The following ACTR3 variants were observed in gnomAD, a reference collection of about 807,000 sequenced individuals.
ACTR3 encodes the protein actin related protein 3, also known as actin-related protein 3.
In ACTR3, 12 loss-of-function variants were observed where a neutral mutation model predicts 56.8. The ratio of observed to expected loss-of-function variants is 0.21; its 90% CI spans 0.14 to 0.34. The LOEUF is 0.34. Ranked by LOEUF, ACTR3 falls within the 10% of genes least tolerant of loss-of-function variation. The pLI, the probability that ACTR3 is intolerant of heterozygous loss-of-function variation, is 1.00. For missense variants in ACTR3, 282 were observed against 512.5 expected, an observed-to-expected ratio of 0.55 and a Z score of 4.34; for synonymous variants, 162 against 167.4, an observed-to-expected ratio of 0.97 and a Z score of 0.25.
intron 7 of ACTR3, 34 bp from the exon 8 acceptor site, chr2:113,942,152 C>CA (rs758714333): frequency 3.0e-5 from 45 of 1,519,382 alleles, no homozygotes; most frequent in Middle Eastern, 2.0e-4. Context: ...CTATAATAAG[C>CA]AAAAAAAGTT....
intron 1 of ACTR3, among the ~76,000 whole-genome samples, chr2:113,908,141 T>C (rs1047059939): frequency 2.0e-5 from 3 of 152,004 alleles, no homozygotes; most frequent in Admixed American, 2.0e-4. Context: ...ACAAAAATAT[T>C]TGAACTTTGT....
chr2:113,901,814 T>C (rs576794245), intron 1 of ACTR3, among the ~76,000 whole-genome samples: 1 of 152,352 alleles, frequency 6.6e-6, no homozygotes, highest in South Asian at 2.1e-4. Context: ...AGAATTGTAA[T>C]GGAACATTGG....
At chr2:113,922,961 T>C (rs1244013288) in intron 3 of ACTR3, among the ~76,000 whole-genome samples, 1 of 152,196 alleles carries the variant, frequency 6.6e-6, no homozygotes, top group South Asian at 2.1e-4. Context: ...GATGATGATA[T>C]AAGATCTATA....
At chr2:113,940,225 T>G (rs1383520548) in intron 7 of ACTR3, 123 bp downstream of exon 7, 2 of 788,988 alleles carry the variant, frequency 2.5e-6, no homozygotes, top group Non-Finnish European at 3.8e-6. Context: ...TTATAAATTA[T>G]TACCCTTAAA....
At chr2:113,905,648 T>G (rs1301036006) in intron 1 of ACTR3, among the ~76,000 whole-genome samples, 1 of 152,104 alleles carries the variant, frequency 6.6e-6, no homozygotes, top group African/African-American at 2.4e-5. Context: ...AGCAGTAACT[T>G]CCCGTTCTCT....
chr2:113,933,656 C>G (rs1249732614), intron 5 of ACTR3, among the ~76,000 whole-genome samples: 1 of 150,026 alleles, frequency 6.7e-6, no homozygotes, highest in African/African-American at 2.5e-5. Flanking sequence ...AGTTTAAGTT[C>G]TGGCAAGTTA....
At chr2:113,935,090 A>G (rs545301937) in intron 6 of ACTR3, among the ~76,000 whole-genome samples, 1 of 151,836 alleles carries the variant, frequency 6.6e-6, no homozygotes, top group Non-Finnish European at 1.5e-5. Context: ...AATGTCTGTT[A>G]AAGATTACAT....
chr2:113,946,136 A>G (rs1016881903), intron 8 of ACTR3, among the ~76,000 whole-genome samples: 5 of 152,104 alleles, frequency 3.3e-5, no homozygotes, highest in African/African-American at 1.2e-4. Context: ...AGAACAATTT[A>G]TACTCCTTTG....
chr2:113,917,155 C>A, intron 3 of ACTR3, 147 bp downstream of exon 3: 1 of 627,226 alleles, frequency 1.6e-6, no homozygotes, highest in Non-Finnish European at 2.3e-6. Flanking sequence ...TGGCATCCTT[C>A]CCTGTTGCTT....
chr2:113,954,856 G>A lies in ACTR3; in HGVS notation c.1078-767G>A, dbSNP rs1282363240. ...CTCATTGCTGTTGGGGTATCACTGA[G>A]TCTAGGCCTTCTCAGTGATTAGAGC... On this transcript the variant is annotated intron_variant, in intron 10 of 11. Transcript: ENST00000263238. 3 of 151,912 alleles carry A rather than the reference G, an allele frequency of 2.0e-5. No homozygotes were observed. The East Asian group carries it at 5.8e-4, about 29-fold the overall frequency. 9.4% of individuals were successfully genotyped at this position (151,912 alleles called of 1,614,324 possible).
At chr2:113,928,943 AG>A (rs1368700146) in intron 4 of ACTR3, among the ~76,000 whole-genome samples, 1 of 152,128 alleles carries the variant, frequency 6.6e-6, no homozygotes, top group Non-Finnish European at 1.5e-5. Flanking sequence ...CCCATGTTTG[AG>A]TGTCAAATAA....
chr2:113,951,742 C>G lies in ACTR3; in HGVS notation c.974C>G (p.Ser325Ter). The change falls in exon 10 of 12, where the codon TCA becomes TGA. Residue 325 changes from serine to a stop codon, truncating the protein, a stop_gained. Transcript: ENST00000263238. LOFTEE classifies it high-confidence loss of function. ...LYKNIVLSGG[S>*]TMFRDFGRRL... Reference sequence around the variant, plus strand: ...TAGAATATTGTCCTCTCTGGAGGTTCAACCATGTTCAGGGACTTTGGACGT... The same window carrying G: ...TAGAATATTGTCCTCTCTGGAGGTTGAACCATGTTCAGGGACTTTGGACGT... 1 of 1,612,162 alleles carries G rather than the reference C, an allele frequency of 6.2e-7. No individual in the cohort carries two copies. The highest frequency in any genetic ancestry group is 8.5e-7 in the Non-Finnish European group (1 of 1,178,698).
At chr2:113,890,083 G>C (rs543445513), upstream of ACTR3, 2 of 640,182 alleles carry the variant, frequency 3.1e-6, no homozygotes, top group Non-Finnish European at 5.5e-6. Flanking sequence ...CTGCCTGCCT[G>C]CCTGGGTTGC....
intron 8 of ACTR3, among the ~76,000 whole-genome samples, chr2:113,945,129 T>C (rs969693321): frequency 1.3e-5 from 2 of 152,088 alleles, no homozygotes; most frequent in Admixed American, 1.3e-4. Flanking sequence ...GGATAAGGAA[T>C]TGTGGTCAGA....
chr2:113,947,670 A>C (rs368806625), intron 8 of ACTR3, among the ~76,000 whole-genome samples: 1 of 152,106 alleles, frequency 6.6e-6, no homozygotes, highest in Non-Finnish European at 1.5e-5. Context: ...AAATAACCCA[A>C]AGCTTTAGAT....
chr2:113,917,496 A>G lies in ACTR3; in HGVS notation c.225+488A>G, dbSNP rs567964010. ...TAATTATACAGTTCGAAGAATTTTT[A>G]TGACTGTAATCATAACAGGTAAAGA... On this transcript the variant is annotated intron_variant, in intron 3 of 11. Transcript: ENST00000263238. Among the ~76,000 whole-genome samples the G allele has an allele frequency of 1.1e-4, 16 of 152,136 alleles. No individual in the cohort carries two copies. The South Asian group carries it at 3.3e-3, about 32-fold the overall frequency.
intron 1 of ACTR3, among the ~76,000 whole-genome samples, chr2:113,903,304 G>A (rs761301260): frequency 2.6e-5 from 4 of 152,128 alleles, no homozygotes; most frequent in Non-Finnish European, 5.9e-5. Context: ...GTGTTCTTGA[G>A]CCTCTTAAAT....
intron 2 of ACTR3, among the ~76,000 whole-genome samples, chr2:113,914,589 G>A (rs1379244710): frequency 1.3e-5 from 2 of 148,978 alleles, no homozygotes; most frequent in Non-Finnish European, 3.0e-5. Flanking sequence ...CCAGGCCTGG[G>A]GGGTGACAGA....
intron 8 of ACTR3, among the ~76,000 whole-genome samples, chr2:113,947,566 A>G (rs1680043237): frequency 1.3e-5 from 2 of 152,132 alleles, no homozygotes; most frequent in Admixed American, 6.5e-5. Flanking sequence ...AGGTGAGAGT[A>G]TTGCTTGAGC....
Sources: gnomAD v4.1 joint callset for allele counts (sites outside exome capture counted in the v4.1 genomes callset) on GRCh38, gnomAD v4.1.1 for gene constraint, MANE v1.5 for transcripts, NCBI Gene and HGNC (gene_info 2026-07-23, HGNC 2026-07-21) for gene names.